Variants in NSRP1 observed in about 807,000 individuals in gnomAD.
The protein encoded by NSRP1 is coiled-coil domain containing 55.
Under a neutral mutation model 54.7 loss-of-function variants are expected in NSRP1, and 24 were observed. The observed-to-expected ratio is 0.44, with a 90% CI of 0.32 to 0.62. The LOEUF (loss-of-function observed/expected upper bound fraction) is 0.62. NSRP1 is among the 20% of genes least tolerant of loss of function. The pLI, the probability that NSRP1 is intolerant of heterozygous loss-of-function variation, is 0.06. For synonymous variants in NSRP1, 210 were observed against 213.8 expected, an observed-to-expected ratio of 0.98 and a Z score of 0.15; for missense variants, 596 against 651.2, an observed-to-expected ratio of 0.92 and a Z score of 0.92.
At chr17:30,171,968 ACACACTCCCT>A (rs1287671267) in intron 2 of NSRP1, among the ~76,000 whole-genome samples, 5 of 119,692 alleles carry the variant, frequency 4.2e-5, no homozygotes, top group African/African-American at 1.5e-4. Flanking sequence ...ACACACACAC[ACACACTCCCT>A]CTCTCTCTCT....
rs149374055 is a variant in NSRP1, at chr17:30,140,605, T to C, written c.114+22432T>C. On this transcript the variant is annotated intron_variant, in intron 2 of 6. Coordinates refer to ENST00000247026, the MANE Select transcript of NSRP1 (RefSeq NM_032141.4). The stretch of plus-strand genomic sequence containing the variant: ...GTGCAGTGGCGTGATCTCGGCTCAC[T>C]GCAACCCTTGCCTCTCAGGCTCAAG... Among the ~76,000 whole-genome samples the C allele has an allele frequency of 3.7e-3, 519 of 141,038 alleles. 2 individuals are homozygous for C. The highest frequency in any genetic ancestry group is 0.014 in the African/African-American group (507 of 37,378). The allele number at this position is 141,038 out of a possible 152,430, so 92.5% of individuals were successfully genotyped here. A position where few individuals can be genotyped will look rare whatever the true frequency, so the allele number is the denominator to read the frequency against.
chr17:30,131,144 T>G (rs1269514492), intron 2 of NSRP1, among the ~76,000 whole-genome samples: 1 of 152,256 alleles, frequency 6.6e-6, no homozygotes, highest in African/African-American at 2.4e-5. Flanking sequence ...TTTTTCTCTC[T>G]ACTAAGATTA....
rs766273010 is a variant in NSRP1, at chr17:30,185,737, G to A, written c.*63G>A. 22 of 1,483,088 alleles carry A rather than the reference G, an allele frequency of 1.5e-5. No individual in the cohort carries two copies. Among genetic ancestry groups the A allele is most frequent in the Middle Eastern group, 1.8e-4 (1 of 5,562 alleles). The allele number at this position is 1,483,088 out of a possible 1,614,324, so 91.9% of individuals were successfully genotyped here. A position where few individuals can be genotyped will look rare whatever the true frequency, so the allele number is the denominator to read the frequency against. ...AACTGTAATTCCTGGAACCTGCTGC[G>A]TAAAACCATAAAGGAGTGTGTTACC... On this transcript the variant is annotated 3_prime_UTR_variant, in exon 7 of 7. Coordinates refer to ENST00000247026, the MANE Select transcript of NSRP1 (RefSeq NM_032141.4).
intron 2 of NSRP1, among the ~76,000 whole-genome samples, chr17:30,141,627 A>G (rs551300611): frequency 1.8e-4 from 28 of 152,336 alleles, no homozygotes; most frequent in South Asian, 1.7e-3. Flanking sequence ...CTTTACATAC[A>G]TATGTACGTT....
At chr17:30,130,082 A>C (rs952716867) in intron 2 of NSRP1, among the ~76,000 whole-genome samples, 3 of 151,904 alleles carry the variant, frequency 2.0e-5, no homozygotes, top group Admixed American at 1.3e-4. Context: ...TGTCCTCCTT[A>C]TTTTTCTTTT....
chr17:30,175,904 G>A (rs1004944123), intron 3 of NSRP1, among the ~76,000 whole-genome samples: 1 of 152,058 alleles, frequency 6.6e-6, no homozygotes, highest in African/African-American at 2.4e-5. Flanking sequence ...TCAGGAGGCT[G>A]AGGCAGGAGA....
chr17:30,121,453 CTTTT>C (rs200327930), intron 2 of NSRP1, among the ~76,000 whole-genome samples: 2 of 121,860 alleles, frequency 1.6e-5, no homozygotes, highest in African/African-American at 3.0e-5. Flanking sequence ...GATGCAAGAT[CTTTT>C]TTTTTTTTTT....
At chr17:30,144,254 A>AT (rs2071831824) in intron 2 of NSRP1, 1 of 146,954 alleles carries the variant, frequency 6.8e-6, no homozygotes, top group African/African-American at 2.5e-5. Flanking sequence ...GATTATTATT[A>AT]TTATTATTAT....
At chr17:30,164,567 C>T (rs980118184) in intron 2 of NSRP1, among the ~76,000 whole-genome samples, 3 of 152,050 alleles carry the variant, frequency 2.0e-5, no homozygotes, top group Non-Finnish European at 2.9e-5. Flanking sequence ...GAGGCAAAGG[C>T]GGGAGGATTG....
At chr17:30,150,444 G>T (rs1259473663) in intron 2 of NSRP1, 1 of 151,858 alleles carries the variant, frequency 6.6e-6, no homozygotes, top group African/African-American at 2.4e-5. Context: ...GTGCAGTGGC[G>T]CAATCTCGGC....
At chr17:30,183,937 C>T (rs1351057712) in intron 6 of NSRP1, among the ~76,000 whole-genome samples, 10 of 152,182 alleles carry the variant, frequency 6.6e-5, no homozygotes, top group Admixed American at 6.5e-4. Context: ...CATGGTGGCT[C>T]ACACCTGTAA....
intron 2 of NSRP1, among the ~76,000 whole-genome samples, chr17:30,162,449 G>C (rs1439948842): frequency 6.6e-6 from 1 of 152,204 alleles, no homozygotes; most frequent in Non-Finnish European, 1.5e-5. Context: ...CAAGAGTTGT[G>C]AGAATGTGGA....
At position 30,175,322 on chromosome 17, in the gene NSRP1, C is replaced by T. The variant is rs573905489; in HGVS notation, c.171+2724C>T. Among the ~76,000 whole-genome samples, 8 of 152,234 alleles carry T rather than the reference C, an allele frequency of 5.3e-5. No individual in the cohort carries two copies. In the East Asian group the frequency reaches 1.5e-3, roughly 29 times the overall value. ...TGTTTGACCCATCTATTATTAATTT[C>T]TGAACATAACGGAGGTTTTTGATTA... On this transcript the variant is annotated intron_variant, in intron 3 of 6. Transcript: ENST00000247026.
intron 6 of NSRP1, 101 bp downstream of exon 6, chr17:30,181,117 G>A: frequency 1.3e-6 from 1 of 776,124 alleles, no homozygotes; most frequent in Non-Finnish European, 2.2e-6. Flanking sequence ...TTACAACATT[G>A]CATATTGTGT....
chr17:30,148,878 G>C (rs1003697616), intron 2 of NSRP1, among the ~76,000 whole-genome samples: 5 of 151,982 alleles, frequency 3.3e-5, no homozygotes, highest in African/African-American at 1.2e-4. Context: ...GATTAATCTT[G>C]CCAAAAGTTT....
chr17:30,144,080 G>A (rs1248274287), intron 2 of NSRP1: 3 of 151,428 alleles, frequency 2.0e-5, no homozygotes, highest in African/African-American at 4.9e-5. Flanking sequence ...CCTTTAATCA[G>A]TATTTTAGAC....
At chr17:30,140,778 T>G (rs1309971792) in intron 2 of NSRP1, among the ~76,000 whole-genome samples, 1 of 152,148 alleles carries the variant, frequency 6.6e-6, no homozygotes, top group African/African-American at 2.4e-5. Context: ...TCCGCACTCC[T>G]TGGCCGCCCA....
At chr17:30,118,551 A>G (rs757318418) in intron 2 of NSRP1, among the ~76,000 whole-genome samples, 3 of 152,212 alleles carry the variant, frequency 2.0e-5, no homozygotes, top group Non-Finnish European at 4.4e-5. Flanking sequence ...AACAGTTCTT[A>G]ACAACGCTAC....
At chr17:30,177,321 A>G (rs535925299) in intron 3 of NSRP1, among the ~76,000 whole-genome samples, 168 of 152,224 alleles carry the variant, frequency 1.1e-3, no homozygotes, top group Non-Finnish European at 1.9e-3. Flanking sequence ...GCAGTGAGCC[A>G]AGATCACACC....
Sources: allele counts gnomAD v4.1 joint callset (sites outside exome capture counted in the v4.1 genomes callset), GRCh38; gene constraint gnomAD v4.1.1; transcripts MANE v1.5; gene names NCBI Gene and HGNC (gene_info 2026-07-23, HGNC 2026-07-21).